FANCA: variants seen among roughly 807,000 people sequenced by gnomAD.
The protein encoded by FANCA is FA complementation group A.
A neutral mutation model predicts 194.3 loss-of-function variants in FANCA; 236 were observed. The observed-to-expected ratio is 1.21, with a 90% CI of 1.09 to 1.35. The LOEUF is 1.35. Among genes scored for constraint, FANCA ranks in the 40% most tolerant of loss-of-function variants. FANCA has a pLI of 0.00. For missense variants in FANCA, 2,628 were observed against 1,813.9 expected (o/e 1.45, Z -8.15); for synonymous variants, 1,014 against 715.8 (o/e 1.42, Z -6.65).
At chr16:89,768,764 G>C (rs977490361) in intron 26 of FANCA, among the ~76,000 whole-genome samples, 4 of 152,150 alleles carry the variant, frequency 2.6e-5, no homozygotes, top group Non-Finnish European at 5.9e-5. Context: ...ACCGAGTTCA[G>C]TATTTTGCTT....
chr16:89,790,318 CAGG>C (rs957576228), intron 14 of FANCA, among the ~76,000 whole-genome samples: 17 of 151,602 alleles, frequency 1.1e-4, no homozygotes, highest in South Asian at 2.1e-4. Flanking sequence ...TGCTTGAACC[CAGG>C]AGGAGGAGGT....
chr16:89,769,936 T>A lies in FANCA; in HGVS notation c.2405A>T (p.Asp802Val). The A allele has an allele frequency of 6.2e-7, 1 of 1,613,934 alleles. No homozygotes were observed. Among genetic ancestry groups the A allele is most frequent in the Non-Finnish European group, 8.5e-7 (1 of 1,179,970 alleles). The change falls in exon 26 of 43, where the codon GAT becomes GTT. Residue 802 changes from aspartate (D) to valine (V), a missense_variant. Asp to Val is a radical substitution (Grantham distance 152). Transcript: ENST00000389301. ...GESRSALPEVDVGPPAPGAGL... is the reference protein window; with the variant it reads ...GESRSALPEVVVGPPAPGAGL... ...AGCACCAGGTGCAGGAGGACCCACA[T>A]CCACCTCTGGGAGCGCAGACCTGGA... is the stretch of plus-strand genomic sequence containing the variant.
Position 89,748,746 on chromosome 16 carries a change from C to T in FANCA, c.3261G>A (p.Ser1087=), listed in dbSNP as rs139126509. 34 of 1,613,844 alleles carry T rather than the reference C, an allele frequency of 2.1e-5. No individual in the cohort carries two copies. The highest frequency in any genetic ancestry group is 8.0e-5 in the African/African-American group (6 of 74,920). ...GGAAGCTGCTGCCGCAGAGGACAGA[C>T]GAAGGCAGGCGGAGGAGGATCCTGG... ...MYKRILLRLP[S]SVLCGSSFQA... Residue 1087 remains serine (S), a synonymous_variant, in exon 33 of 43, where the codon TCG becomes TCA. Transcript: ENST00000389301.
Position 89,778,982 on chromosome 16 carries a change from G to C in FANCA, c.1737C>G (p.Tyr579Ter). The C allele has an allele frequency of 6.2e-7, 1 of 1,613,890 alleles. No individual in the cohort carries two copies. Among genetic ancestry groups the C allele is most frequent in the Non-Finnish European group, 8.5e-7 (1 of 1,180,020 alleles). ...MEASIFRRPYYVSHFLPALLT... is the reference protein window; with the variant it reads ...MEASIFRRPY ...GCAGGGCGGGGAGGAAGTGGGACAC[G>C]TAGTAAGGCCTCCTGAATATGCTGC... is the stretch of plus-strand genomic sequence containing the variant. The change falls in exon 19 of 43, where the codon TAC becomes TAG. Residue 579 changes from tyrosine to a stop codon, truncating the protein, a stop_gained. Transcript: ENST00000389301. LOFTEE classifies it high-confidence loss of function.
chr16:89,774,452 C>T (rs1016032197), intron 21 of FANCA, among the ~76,000 whole-genome samples: 7 of 151,966 alleles, frequency 4.6e-5, no homozygotes, highest in Admixed American at 3.3e-4. Flanking sequence ...GTGGGTCGGC[C>T]GGGCATGGGG....
intron 6 of FANCA, among the ~76,000 whole-genome samples, chr16:89,806,455 T>A (rs897121466): frequency 1.4e-5 from 2 of 147,960 alleles, no homozygotes; most frequent in Admixed American, 7.0e-5. Context: ...GATAAACAAG[T>A]GAACAAAGGT....
chr16:89,738,210 C>G lies in FANCA; in HGVS notation c.*391G>C. On this transcript the variant is annotated 3_prime_UTR_variant, in exon 43 of 43. Transcript: ENST00000389301. The stretch of plus-strand genomic sequence containing the variant: ...CTGGGCCACCGAGCCCCTCTGTGAC[C>G]ACAGAGGGCCAGGCGGTGAAGCCCG... 1 of 1,610,472 alleles carries G rather than the reference C, an allele frequency of 6.2e-7. No homozygotes were observed. The highest frequency in any genetic ancestry group is 8.5e-7 in the Non-Finnish European group (1 of 1,178,808).
Position 89,771,666 on chromosome 16 carries a change from C to T in FANCA, c.2151+12G>A. On this transcript the variant is annotated intron_variant, in intron 23 of 42. Coordinates refer to ENST00000389301, the MANE Select transcript of FANCA (RefSeq NM_000135.4). Reference sequence around the variant, plus strand: ...GAAGACCCCCTGCTTTGTTCTGAGCCCCTACACCTACCATGTGTTCCCGTG... The same window carrying T: ...GAAGACCCCCTGCTTTGTTCTGAGCTCCTACACCTACCATGTGTTCCCGTG... The T allele has an allele frequency of 6.2e-7, 1 of 1,614,004 alleles. No individual in the cohort carries two copies. Among genetic ancestry groups the T allele is most frequent in the South Asian group, 1.1e-5 (1 of 91,070 alleles).
At position 89,770,573 on chromosome 16, in the gene FANCA, G is replaced by T. The variant is rs762333391; in HGVS notation, c.2213C>A (p.Pro738His). 6.2e-7 allele frequency: 1 copy of T among 1,610,348 alleles called. No homozygotes were observed. The highest frequency in any genetic ancestry group is 1.7e-5 in the Admixed American group (1 of 59,588). ...QNLMAASSVA[P>H]PERQGPWAAL... is the part of the protein sequence containing the mutation. ...CTGCCCGCGCCTTCACCTCTCCGGG[G>T]GAGCGACACTGGAGGCAGCCATCAG... Residue 738 changes from proline to histidine, a missense_variant, in exon 24 of 43, where the codon CCC becomes CAC. Physicochemically the swap from Pro to His is moderately conservative, Grantham distance 77. Coordinates refer to ENST00000389301, the MANE Select transcript of FANCA (RefSeq NM_000135.4).
chr16:89,761,848 ACTC>A, intron 29 of FANCA, 98 bp downstream of exon 29: 1 of 948,314 alleles, frequency 1.1e-6, no homozygotes, highest in Non-Finnish European at 1.7e-6. Context: ...CTGACCTCAA[ACTC>A]CTGGATTCAA....
At chr16:89,799,006 C>A (rs889985122) in intron 10 of FANCA, 160 bp downstream of exon 10, 3 of 1,614,062 alleles carry the variant, frequency 1.9e-6, no homozygotes, top group East Asian at 4.5e-5. Context: ...CGGGCTTTCC[C>A]ATGGTCGCCT....
At chr16:89,764,815 G>T in intron 28 of FANCA, 75 bp downstream of exon 28, 1 of 1,529,402 alleles carries the variant, frequency 6.5e-7, no homozygotes, top group Non-Finnish European at 9.0e-7. Context: ...ACGTGCTGCT[G>T]TTCTTGCCCG....
intron 8 of FANCA, among the ~76,000 whole-genome samples, chr16:89,801,428 T>C (rs2040450367): frequency 1.3e-5 from 2 of 151,800 alleles, no homozygotes; most frequent in South Asian, 2.1e-4. Context: ...TCACTCCAGT[T>C]AGAATTATCA....
chr16:89,749,658 AC>A, intron 32 of FANCA, 71 bp downstream of exon 32: 1 of 1,543,044 alleles, frequency 6.5e-7, no homozygotes, highest in East Asian at 2.4e-5. Context: ...ACTACAAAGA[AC>A]CTCTAGGACC....
chr16:89,774,729 C>CAAAAAAAAAAAAAAAAAAAAAA, intron 21 of FANCA, among the ~76,000 whole-genome samples: 1 of 22,196 alleles, frequency 4.5e-5, no homozygotes, highest in Non-Finnish European at 8.1e-5. Flanking sequence ...GACTCTGTCT[C>CAAAAAAAAAAAAAAAAAAAAAA]AAAAAAAAAA....
In FANCA at chr16:89,816,561, G is replaced by C. The variant is rs1300733063; in HGVS notation, c.55C>G (p.Arg19Gly). The change falls in exon 1 of 43, where the codon CGG (arginine) becomes GGG (glycine). Residue 19 changes from arginine (R) to glycine (G), a missense_variant. By Grantham distance (125) the Arg-to-Gly change is moderately radical (BLOSUM62 -2). Coordinates refer to ENST00000389301, the MANE Select transcript of FANCA (RefSeq NM_000135.4). Reference sequence around the variant, plus strand: ...CCCAGCAGCTCGGCCCAGGCCCTCCGGCGGCCCCCTGGGTCCTGGCCCGAG... The same window carrying C: ...CCCAGCAGCTCGGCCCAGGCCCTCCCGCGGCCCCCTGGGTCCTGGCCCGAG... ...SASGQDPGGR[R>G]RAWAELLAGR... 4 of 1,512,060 alleles carry C rather than the reference G, an allele frequency of 2.6e-6. No homozygotes were observed. The highest frequency in any genetic ancestry group is 3.5e-6 in the Non-Finnish European group (4 of 1,138,044). The allele number at this position is 1,512,060 out of a possible 1,614,324, so 93.7% of individuals were successfully genotyped here.
intron 14 of FANCA, among the ~76,000 whole-genome samples, chr16:89,790,213 C>A (rs2040022097): frequency 6.6e-6 from 1 of 151,486 alleles, no homozygotes; most frequent in East Asian, 1.9e-4. Context: ...ACCAGCCTGA[C>A]CAACATGATG....
intron 29 of FANCA, among the ~76,000 whole-genome samples, chr16:89,761,288 G>A (rs1385159504): frequency 5.3e-5 from 8 of 151,852 alleles, no homozygotes; most frequent in East Asian, 1.9e-4. Context: ...GTATGGTGGC[G>A]GGCGCCTGTA....
At chr16:89,766,646 T>C (rs1256568595) in intron 27 of FANCA, among the ~76,000 whole-genome samples, 12 of 148,978 alleles carry the variant, frequency 8.1e-5, no homozygotes, top group African/African-American at 2.7e-4. Flanking sequence ...ACCCGGGAGG[T>C]GGAGGTTGCA....
Sources: allele counts gnomAD v4.1 joint callset (sites outside exome capture counted in the v4.1 genomes callset), GRCh38; gene constraint gnomAD v4.1.1; transcripts MANE v1.5; gene names NCBI Gene and HGNC (gene_info 2026-07-23, HGNC 2026-07-21).